The following ACSL1 variants were observed in gnomAD, a reference collection of about 807,000 sequenced individuals.
The protein encoded by ACSL1 is acyl-CoA synthetase long chain family member 1, also known as long-chain-fatty-acid--CoA ligase 1.
Under a neutral mutation model 98.4 loss-of-function variants are expected in ACSL1, and 41 were observed. The ratio of observed to expected loss-of-function variants is 0.42; its 90% CI spans 0.32 to 0.54. The LOEUF (loss-of-function observed/expected upper bound fraction) is 0.54. Ranked by LOEUF, ACSL1 falls within the 20% of genes least tolerant of loss-of-function variation. The pLI, the probability that ACSL1 is intolerant of heterozygous loss-of-function variation, is 0.13. For missense variants in ACSL1, 734 were observed against 883.1 expected, an observed-to-expected ratio of 0.83 and a Z score of 2.14; for synonymous variants, 316 against 322.7, an observed-to-expected ratio of 0.98 and a Z score of 0.22.
chr4:184,762,476 T>C lies in ACSL1; in HGVS notation c.1569A>G (p.Pro523=). 6.2e-7 allele frequency: 1 copy of C among 1,614,266 alleles called. No homozygotes were observed. The highest frequency in any genetic ancestry group is 8.5e-7 in the Non-Finnish European group (1 of 1,180,046). The change falls in exon 17 of 21, where the codon CCA becomes CCG. Residue 523 remains proline, a synonymous_variant. Transcript: ENST00000281455. ...TGTCCAAAGCTTCTGCTGTTTTCGC[T>C]GGGTCCTTCAAGTAGCCCTGAAATA... The part of the protein sequence containing the change: ...PNVFQGYLKD[P]AKTAEALDKD...
intron 1 of ACSL1, among the ~76,000 whole-genome samples, chr4:184,809,103 A>G (rs2071681490): frequency 6.6e-6 from 1 of 152,266 alleles, no homozygotes; most frequent in Non-Finnish European, 1.5e-5. Context: ...TAGATCACCA[A>G]TTGAATTTCC....
chr4:184,777,110 T>C, intron 5 of ACSL1, 127 bp from the exon 6 acceptor site: 1 of 779,342 alleles, frequency 1.3e-6, no homozygotes, highest in Non-Finnish European at 2.1e-6. Flanking sequence ...CTGTGTTAGC[T>C]ACTACTCTGT....
At position 184,766,057 on chromosome 4, in the gene ACSL1, G is replaced by GTCCCAA; in HGVS notation, c.1264-72_1264-71insTTGGGA. On this transcript the variant is annotated intron_variant, in intron 13 of 20. Coordinates refer to ENST00000281455, the MANE Select transcript of ACSL1 (RefSeq NM_001995.5). The surrounding 1 kb of genome is among the most constrained non-coding windows in gnomAD (Gnocchi z 4.8). The stretch of plus-strand genomic sequence containing the variant: ...AAGTCGGCGGCCTCTCCGCCAAGGG[G>GTCCCAA]GCCTGCTTGGGACCCCGTTCCCTAA... The GTCCCAA allele has an allele frequency of 2.1e-6, 3 of 1,460,054 alleles. No homozygotes were observed. The highest frequency in any genetic ancestry group is 2.9e-6 in the Non-Finnish European group (3 of 1,051,374). The allele number at this position is 1,460,054 out of a possible 1,614,324, so 90.4% of individuals were successfully genotyped here.
chr4:184,780,415 A>T lies in ACSL1; in HGVS notation c.394T>A (p.Cys132Ser). The T allele has an allele frequency of 6.2e-7, 1 of 1,612,838 alleles. No homozygotes were observed. Among genetic ancestry groups the T allele is most frequent in the Non-Finnish European group, 8.5e-7 (1 of 1,179,728 alleles). Residue 132 changes from cysteine (C) to serine (S), a missense_variant, in exon 5 of 21, where the codon TGC becomes AGC. Transcript: ENST00000281455. ...SYKQVAELSE[C>S]IGSALIQKGF... ...TTCTGGATCAGTGCTGAGCCTATGC[A>T]CTCCGACAATTCTGCAACCTAAAAT...
intron 2 of ACSL1, among the ~76,000 whole-genome samples, chr4:184,792,585 C>A (rs777339212): frequency 4.6e-5 from 7 of 152,132 alleles, no homozygotes; most frequent in Non-Finnish European, 1.0e-4. Context: ...ACCACAGACA[C>A]GTGCCACCTT....
chr4:184,818,170 A>G (rs1268362555), intron 1 of ACSL1, among the ~76,000 whole-genome samples: 1 of 152,182 alleles, frequency 6.6e-6, no homozygotes, highest in African/African-American at 2.4e-5. Flanking sequence ...CTGAGGCGCA[A>G]TGTAGGTAAC....
intron 4 of ACSL1, 105 bp downstream of exon 4, chr4:184,783,822 T>C: frequency 1.9e-6 from 2 of 1,059,090 alleles, no homozygotes; most frequent in South Asian, 2.6e-5. Context: ...TCTGAGCTGG[T>C]CCAGCACATA....
At position 184,825,005 on chromosome 4, in the gene ACSL1, G is replaced by A. The variant is rs1170782579; in HGVS notation, c.-33+911C>T. Reference sequence around the variant, plus strand: ...AAAGGTCAAGAAAATAAAAGACAGGGCAGTGAGAGTCGCGGGACTTTAGAC... The same window carrying A: ...AAAGGTCAAGAAAATAAAAGACAGGACAGTGAGAGTCGCGGGACTTTAGAC... On this transcript the variant is annotated intron_variant, in intron 1 of 20. Coordinates refer to ENST00000281455, the MANE Select transcript of ACSL1 (RefSeq NM_001995.5). This position sits in a 1 kb window ranked among gnomAD's most constrained non-coding sequence, Gnocchi z 4.7. Among the ~76,000 whole-genome samples the A allele has an allele frequency of 6.6e-6, 1 of 152,130 alleles. No homozygotes were observed. Among genetic ancestry groups the A allele is most frequent in the Non-Finnish European group, 1.5e-5 (1 of 68,020 alleles).
Position 184,767,139 on chromosome 4 carries a change from G to A in ACSL1, c.1129-383C>T, listed in dbSNP as rs559249828. Among the ~76,000 whole-genome samples the A allele has an allele frequency of 7.1e-4, 108 of 151,976 alleles. 1 individual carries two copies. The highest frequency in any genetic ancestry group is 2.9e-3 in the South Asian group (14 of 4,806). ...TCTACAAAAAATACAGAAATTAGCC[G>A]GGCATGGTGGCACATGCCTGCGGTC... On this transcript the variant is annotated intron_variant, in intron 12 of 20. Coordinates refer to ENST00000281455, the MANE Select transcript of ACSL1 (RefSeq NM_001995.5).
intron 14 of ACSL1, 151 bp from the exon 15 acceptor site, chr4:184,765,076 G>T: frequency 2.6e-6 from 2 of 770,532 alleles, no homozygotes; most frequent in Middle Eastern, 2.4e-4. Flanking sequence ...TCATTCAATG[G>T]TCCAGTGTGC....
At chr4:184,811,418 T>C (rs1579961421) in intron 1 of ACSL1, among the ~76,000 whole-genome samples, 1 of 151,438 alleles carries the variant, frequency 6.6e-6, no homozygotes, top group East Asian at 1.9e-4. Context: ...AGCTGCACAA[T>C]GCTTTAAGAG....
intron 1 of ACSL1, among the ~76,000 whole-genome samples, chr4:184,812,827 C>T (rs1018970653): frequency 1.3e-5 from 2 of 152,122 alleles, no homozygotes; most frequent in African/African-American, 4.8e-5. Context: ...CATACCAGGG[C>T]TGGACTCCAA....
chr4:184,812,297 C>T (rs1278722244), intron 1 of ACSL1: 2 of 893,404 alleles, frequency 2.2e-6, no homozygotes, highest in Non-Finnish European at 2.7e-6. Flanking sequence ...TCTACTGAGT[C>T]ATGAATGACC....
Position 184,757,751 on chromosome 4 carries a change from C to A in ACSL1, c.1885-45G>T. The A allele has an allele frequency of 6.2e-7, 1 of 1,610,480 alleles. No individual in the cohort carries two copies. Among genetic ancestry groups the A allele is most frequent in the Non-Finnish European group, 8.5e-7 (1 of 1,176,870 alleles). ...AAATTACTTCCTCTGTTAGAGGTCC[C>A]TGAATATCTACAGGTACATTTAATG... On this transcript the variant is annotated intron_variant, in intron 19 of 20. Coordinates refer to ENST00000281455, the MANE Select transcript of ACSL1 (RefSeq NM_001995.5). The surrounding 1 kb of genome is among the most constrained non-coding windows in gnomAD (Gnocchi z 4.5).
At chr4:184,770,527 AG>A (rs1360092428) in intron 10 of ACSL1, 51 bp from the exon 11 acceptor site, 8 of 1,090,856 alleles carry the variant, frequency 7.3e-6, no homozygotes, top group Non-Finnish European at 1.0e-5. Flanking sequence ...CTCCCAGTGA[AG>A]GGGAACATCG....
chr4:184,797,899 A>T (rs1769723248), intron 2 of ACSL1, among the ~76,000 whole-genome samples: 1 of 152,256 alleles, frequency 6.6e-6, no homozygotes, highest in Non-Finnish European at 1.5e-5. Context: ...TGACTTGTGG[A>T]GAATGAAACC....
Position 184,757,870 on chromosome 4 carries a change from C to T in ACSL1, c.1833G>A (p.Trp611Ter), listed in dbSNP as rs764300525. 1 of 1,614,100 alleles carries T rather than the reference C, an allele frequency of 6.2e-7. No homozygotes were observed. The highest frequency in any genetic ancestry group is 1.1e-5 in the South Asian group (1 of 91,070). Residue 611 changes from tryptophan to a stop codon, truncating the protein, a stop_gained, in exon 19 of 21, where the codon TGG becomes TGA. Coordinates refer to ENST00000281455, the MANE Select transcript of ACSL1 (RefSeq NM_001995.5). LOFTEE classifies it high-confidence loss of function. The surrounding 1 kb of genome is among the most constrained non-coding windows in gnomAD (Gnocchi z 4.5). ...ACCCTTCAAATCCTCTCTTTTGGGCCCAGGAACATAATGTCTCAACATCTG... is the reference window on the plus strand; with the variant it reads ...ACCCTTCAAATCCTCTCTTTTGGGCTCAGGAACATAATGTCTCAACATCTG... ...VVPDVETLCS[W>*]AQKRGFEGSF...
In ACSL1 at chr4:184,779,175, G is replaced by A. The variant is rs544444438; in HGVS notation, c.477+1157C>T. ...CCCCACCCAAATCTCAACTTGAATT[G>A]TATCTCCCAGAATTCCCACGTGTTG... On this transcript the variant is annotated intron_variant, in intron 5 of 20. Coordinates refer to ENST00000281455, the MANE Select transcript of ACSL1 (RefSeq NM_001995.5). 3.7e-4 allele frequency among the ~76,000 whole-genome samples: 57 copies of A among 152,262 alleles called. 1 individual carries two copies. Among genetic ancestry groups the A allele is most frequent in the African/African-American group, 1.3e-3 (52 of 41,558 alleles).
chr4:184,788,499 G>A lies in ACSL1; in HGVS notation c.310+118C>T, dbSNP rs148245408. The A allele has an allele frequency of 2.9e-4, 230 of 797,294 alleles. 2 individuals carry two copies. In the East Asian group the frequency reaches 5.8e-3, roughly 20 times the overall value. The allele number at this position is 797,294 out of a possible 1,614,324, so 49.4% of individuals were successfully genotyped here. ...CTGGGAAAGTTACAGTGGACACAGA[G>A]GGGCCTGAGCGATCCTAAGGAGGCG... On this transcript the variant is annotated intron_variant, in intron 3 of 20. Transcript: ENST00000281455.
Sources: allele counts gnomAD v4.1 joint callset (sites outside exome capture counted in the v4.1 genomes callset), GRCh38; gene constraint gnomAD v4.1.1; non-coding constraint Gnocchi (gnomAD v3.1); transcripts MANE v1.5; gene names NCBI Gene and HGNC (gene_info 2026-07-23, HGNC 2026-07-21).